The following GNAI3 variants were observed in gnomAD, a reference collection of about 807,000 sequenced individuals.
GNAI3 encodes G protein subunit alpha i3.
A neutral mutation model predicts 41.8 loss-of-function variants in GNAI3; 12 were observed. The ratio of observed to expected loss-of-function variants is 0.29; its 90% CI spans 0.18 to 0.47. The LOEUF is 0.47. Ranked by LOEUF, GNAI3 falls within the 20% of genes least tolerant of loss-of-function variation. The probability of loss-of-function intolerance (pLI) is 1.00; values close to 1 mark genes in which losing one functional copy is unlikely to be tolerated. For synonymous variants in GNAI3, 132 were observed against 146.5 expected (o/e 0.90, Z 0.71); for missense variants, 360 against 429.6 (o/e 0.84, Z 1.43).
At chr1:109,591,789 T>C (rs1649179321) in intron 7 of GNAI3, 1 of 397,486 alleles carries the variant, frequency 2.5e-6, no homozygotes, top group African/African-American at 2.0e-5. Flanking sequence ...AAAGTCTAAA[T>C]GAAAAGGTAA....
At chr1:109,555,627 A>G (rs1158154726) in intron 1 of GNAI3, among the ~76,000 whole-genome samples, 1 of 152,174 alleles carries the variant, frequency 6.6e-6, no homozygotes, top group Admixed American at 6.5e-5. Flanking sequence ...CAGGGCATGT[A>G]AGGTTCTAAT....
Position 109,588,282 on chromosome 1 carries a change from T to C in GNAI3, c.874+1400T>C, listed in dbSNP as rs543511780. Among the ~76,000 whole-genome samples, 7 of 150,938 alleles carry C rather than the reference T, an allele frequency of 4.6e-5. No individual in the cohort carries two copies. In the South Asian group the frequency reaches 1.5e-3, roughly 32 times the overall value. ...CTGTAGTCCCAGCTACTCGGGAGGC[T>C]GAGGCAGGAGAATGGCATGAACCCG... On this transcript the variant is annotated intron_variant, in intron 7 of 8. Coordinates refer to ENST00000369851, the MANE Select transcript of GNAI3 (RefSeq NM_006496.4).
intron 1 of GNAI3, among the ~76,000 whole-genome samples, chr1:109,558,444 A>G (rs959725499): frequency 6.6e-6 from 1 of 152,040 alleles, no homozygotes; most frequent in Non-Finnish European, 1.5e-5. Context: ...ACAAAAACAA[A>G]ATTTAAAAAT....
chr1:109,590,940 G>C (rs926242771), intron 7 of GNAI3, among the ~76,000 whole-genome samples: 1 of 151,978 alleles, frequency 6.6e-6, no homozygotes, highest in Admixed American at 6.6e-5. Flanking sequence ...TATGCTTCAC[G>C]TTACTGAAAA....
chr1:109,572,251 G>A (rs1443189988), intron 1 of GNAI3, among the ~76,000 whole-genome samples: 1 of 151,630 alleles, frequency 6.6e-6, no homozygotes, highest in African/African-American at 2.4e-5. Flanking sequence ...CGGAGGTTGC[G>A]GTGAGCCGAG....
intron 1 of GNAI3, among the ~76,000 whole-genome samples, chr1:109,555,951 A>AGTGCGTGCGTGCGTGC (rs567621395): frequency 6.8e-5 from 8 of 117,314 alleles, no homozygotes; most frequent in African/African-American, 2.2e-4. Context: ...TGGGGAAAGG[A>AGTGCGTGCGTGCGTGC]GTGCGTGCGT....
chr1:109,550,072 G>T (rs1288143379), intron 1 of GNAI3, among the ~76,000 whole-genome samples: 1 of 152,144 alleles, frequency 6.6e-6, no homozygotes, highest in East Asian at 1.9e-4. Context: ...ACAAGCAATA[G>T]AAATTTACTT....
At chr1:109,573,617 C>T (rs1284868390) in intron 1 of GNAI3, 120 bp from the exon 2 acceptor site, 1 of 747,374 alleles carries the variant, frequency 1.3e-6, no homozygotes, top group South Asian at 1.6e-5. Context: ...ACATGAAAGC[C>T]TCACCAAAAT....
At chr1:109,566,770 C>T (rs1332628139) in intron 1 of GNAI3, among the ~76,000 whole-genome samples, 1 of 152,152 alleles carries the variant, frequency 6.6e-6, no homozygotes, top group African/African-American at 2.4e-5. Flanking sequence ...ACTATGTTGG[C>T]CAGGCTGGTC....
Position 109,566,853 on chromosome 1 carries a change from G to A in GNAI3, c.119-6884G>A, listed in dbSNP as rs537626748. Among the ~76,000 whole-genome samples the A allele has an allele frequency of 3.9e-5, 6 of 152,246 alleles. No homozygotes were observed. The East Asian group carries it at 9.6e-4, about 24-fold the overall frequency. ...GCTGGGATTACAGGCATGAGCCACC[G>A]CACCTGGCCTGAAATGTCATTTATA... On this transcript the variant is annotated intron_variant, in intron 1 of 8. Transcript: ENST00000369851.
In GNAI3 at chr1:109,596,649, C is replaced by T. The variant is rs1649316264; in HGVS notation, c.*4327C>T. ...GATTACAGATGTGAACCACTCCACC[C>T]ACTCAGGGCAGTTTTTTTTCTGATA... On this transcript the variant is annotated 3_prime_UTR_variant, in exon 9 of 9. Coordinates refer to ENST00000369851, the MANE Select transcript of GNAI3 (RefSeq NM_006496.4). The T allele has an allele frequency of 3.3e-5, 5 of 152,250 alleles. No individual in the cohort carries two copies. In the South Asian group the frequency reaches 1.0e-3, roughly 32 times the overall value. 9.4% of individuals were successfully genotyped at this position (152,250 alleles called of 1,614,324 possible). A position where few individuals can be genotyped will look rare whatever the true frequency, so the allele number is the denominator to read the frequency against.
At position 109,573,788 on chromosome 1, in the gene GNAI3, G is replaced by C; in HGVS notation, c.161+9G>C. On this transcript the variant is annotated intron_variant, in intron 2 of 8. Coordinates refer to ENST00000369851, the MANE Select transcript of GNAI3 (RefSeq NM_006496.4). ...ATTGTGAAACAGATGAAGTAAGTTG[G>C]AATGTAGCGTTTTGTTAGACTAGGA... 1.2e-6 allele frequency: 2 copies of C among 1,609,884 alleles called. No individual in the cohort carries two copies. The highest frequency in any genetic ancestry group is 2.2e-5 in the East Asian group (1 of 44,838).
At chr1:109,581,315 G>C (rs1183483993) in intron 4 of GNAI3, among the ~76,000 whole-genome samples, 2 of 149,578 alleles carry the variant, frequency 1.3e-5, no homozygotes, top group African/African-American at 4.9e-5. Flanking sequence ...CAGCTCTTCT[G>C]TTTACTGAAA....
At chr1:109,591,673 C>T (rs1321237213) in intron 7 of GNAI3, 2 of 411,960 alleles carry the variant, frequency 4.9e-6, no homozygotes, top group Non-Finnish European at 8.8e-6. Flanking sequence ...AAGATCACTC[C>T]AAGGAACACA....
At chr1:109,572,247 T>A (rs2101099814) in intron 1 of GNAI3, among the ~76,000 whole-genome samples, 1 of 152,012 alleles carries the variant, frequency 6.6e-6, no homozygotes, top group Admixed American at 6.6e-5. Context: ...GAGGCGGAGG[T>A]TGCGGTGAGC....
intron 4 of GNAI3, among the ~76,000 whole-genome samples, chr1:109,580,362 C>G (rs1336240359): frequency 1.3e-5 from 2 of 152,094 alleles, no homozygotes; most frequent in African/African-American, 4.8e-5. Context: ...CTGTATTTCT[C>G]TCTGTACTGG....
rs1647904736 is a variant in GNAI3 at position 109,548,968 on chromosome 1, G to A, written c.118+130G>A. On this transcript the variant is annotated intron_variant, in intron 1 of 8. Transcript: ENST00000369851. Reference sequence around the variant, plus strand: ...CTGGAGGGCGTGCCGGGCGTGGGGCGGGGTGTTGGGGTTCCTAGCTGAGGC... The same window carrying A: ...CTGGAGGGCGTGCCGGGCGTGGGGCAGGGTGTTGGGGTTCCTAGCTGAGGC... 4.7e-6 allele frequency: 3 copies of A among 632,708 alleles called. No individual in the cohort carries two copies. The South Asian group carries it at 5.7e-5, about 12-fold the overall frequency. The allele number at this position is 632,708 out of a possible 1,614,324, so 39.2% of individuals were successfully genotyped here.
At chr1:109,572,298 G>A (rs1029045539) in intron 1 of GNAI3, among the ~76,000 whole-genome samples, 2 of 152,094 alleles carry the variant, frequency 1.3e-5, no homozygotes, top group African/African-American at 2.4e-5. Flanking sequence ...CTACAGAGCG[G>A]GACTCCATCT....
intron 1 of GNAI3, among the ~76,000 whole-genome samples, 173 bp downstream of exon 1, chr1:109,549,011 G>A (rs1423233757): frequency 6.6e-5 from 10 of 152,134 alleles, no homozygotes; most frequent in Admixed American, 6.5e-4. Flanking sequence ...GGCGTGATGA[G>A]GGGGGTGGGG....
Sources: gnomAD v4.1 joint callset for allele counts (sites outside exome capture counted in the v4.1 genomes callset) on GRCh38, gnomAD v4.1.1 for gene constraint, MANE v1.5 for transcripts, NCBI Gene and HGNC (gene_info 2026-07-23, HGNC 2026-07-21) for gene names.